Variants in HNF4A observed in about 807,000 individuals in gnomAD.
HNF4A encodes hepatocyte nuclear factor 4 alpha.
In HNF4A, 15 loss-of-function variants were observed where a neutral mutation model predicts 52.4. The ratio of observed to expected loss-of-function variants is 0.29; its 90% CI spans 0.19 to 0.44. The LOEUF (loss-of-function observed/expected upper bound fraction) is 0.44, where lower values mean the gene tolerates loss of function less well. Ranked by LOEUF, HNF4A falls within the 20% of genes least tolerant of loss-of-function variation. The pLI is 1.00. For synonymous variants in HNF4A, 280 were observed against 264.4 expected (o/e 1.06, Z -0.57); for missense variants, 479 against 647.2 (o/e 0.74, Z 2.82).
At position 44,388,244 on chromosome 20, in the gene HNF4A, G is replaced by A. The variant is rs187745160; in HGVS notation, c.50-17814G>A. 2.2e-3 allele frequency among the ~76,000 whole-genome samples: 332 copies of A among 151,720 alleles called. 4 individuals carry two copies. Among genetic ancestry groups the A allele is most frequent in the Non-Finnish European group, 2.7e-3 (183 of 67,944 alleles). On this transcript the variant is annotated intron_variant, in intron 1 of 9. Coordinates refer to the HNF4A transcript ENST00000316673. Reference sequence around the variant, plus strand: ...TGGAGTTACAGGCATGCACCATCACGCCCTGCCTATCTTAATTTTCATAAT... The same window carrying A: ...TGGAGTTACAGGCATGCACCATCACACCCTGCCTATCTTAATTTTCATAAT...
At position 44,429,771 on chromosome 20, in the gene HNF4A, C is replaced by G; in HGVS notation, c.*106C>G. 1 of 1,197,626 alleles carries G rather than the reference C, an allele frequency of 8.3e-7. No homozygotes were observed. The highest frequency in any genetic ancestry group is 1.2e-6 in the Non-Finnish European group (1 of 819,628). The allele number at this position is 1,197,626 out of a possible 1,614,324, so 74.2% of individuals were successfully genotyped here. On this transcript the variant is annotated 3_prime_UTR_variant, in exon 10 of 10. Transcript: ENST00000316099. ...AGGAAGACGTGATGCCAGGACCAGT[C>G]CCAGAGCAGGAATGGGAAGGATGAA...
At chr20:44,406,322 A>G (rs2063500047) in intron 2 of HNF4A, 90 bp downstream of exon 2, 8 of 1,186,150 alleles carry the variant, frequency 6.7e-6, no homozygotes, top group South Asian at 1.3e-5. Context: ...GGTAGGTCCC[A>G]GAGACAGCTG....
chr20:44,393,398 G>T (rs1160695998), intron 1 of HNF4A, among the ~76,000 whole-genome samples: 6 of 152,268 alleles, frequency 3.9e-5, no homozygotes, highest in Non-Finnish European at 8.8e-5. Flanking sequence ...TACCTCCGGA[G>T]CCTTACAGTC....
chr20:44,356,058 G>C (rs2062854293), intron 1 of HNF4A, among the ~76,000 whole-genome samples: 1 of 150,598 alleles, frequency 6.6e-6, no homozygotes, highest in African/African-American at 2.4e-5. Flanking sequence ...GAAGTGCTGG[G>C]AGGGGCCGAG....
intron 1 of HNF4A, chr20:44,401,512 G>A (rs1393101353): frequency 6.2e-7 from 1 of 1,613,772 alleles, no homozygotes; most frequent in Non-Finnish European, 8.5e-7. Flanking sequence ...ATGTGCCCAG[G>A]TGTGCCAGTG....
At chr20:44,394,194 A>G (rs994055703) in intron 1 of HNF4A, among the ~76,000 whole-genome samples, 1 of 152,154 alleles carries the variant, frequency 6.6e-6, no homozygotes, top group Non-Finnish European at 1.5e-5. Flanking sequence ...AGGCGTTTGC[A>G]GAGCCGTCTT....
intron 1 of HNF4A, among the ~76,000 whole-genome samples, chr20:44,366,203 G>A (rs1381066021): frequency 6.6e-6 from 1 of 152,144 alleles, no homozygotes; most frequent in Non-Finnish European, 1.5e-5. Context: ...AGTAAGATAT[G>A]TATGTTTTTG....
At chr20:44,389,129 G>T (rs912058123) in intron 1 of HNF4A, among the ~76,000 whole-genome samples, 1 of 152,216 alleles carries the variant, frequency 6.6e-6, no homozygotes, top group Non-Finnish European at 1.5e-5. Context: ...TTTGCAAAGT[G>T]GCATCTCATT....
chr20:44,363,205 GATA>G (rs993305345), intron 1 of HNF4A, among the ~76,000 whole-genome samples: 4 of 152,110 alleles, frequency 2.6e-5, no homozygotes, highest in African/African-American at 9.7e-5. Flanking sequence ...TGGGGTTGAT[GATA>G]ATACCATTTA....
chr20:44,386,057 A>C (rs1348687304), intron 1 of HNF4A, among the ~76,000 whole-genome samples: 1 of 148,820 alleles, frequency 6.7e-6, no homozygotes, highest in Non-Finnish European at 1.5e-5. Flanking sequence ...GGGTTTCACC[A>C]TGTTGGCCAG....
chr20:44,378,890 G>A (rs1422160595), intron 1 of HNF4A, among the ~76,000 whole-genome samples: 1 of 146,770 alleles, frequency 6.8e-6, no homozygotes, highest in African/African-American at 2.5e-5. Flanking sequence ...CTGCACTCCA[G>A]CCTGGGCCAC....
chr20:44,377,779 A>C (rs1253774054), intron 1 of HNF4A: 1 of 152,158 alleles, frequency 6.6e-6, no homozygotes, highest in Non-Finnish European at 1.5e-5. Context: ...TGTTTTGTTT[A>C]TTTGTTTGTT....
chr20:44,399,238 T>C (rs2063380786), upstream of HNF4A, among the ~76,000 whole-genome samples: 1 of 152,200 alleles, frequency 6.6e-6, no homozygotes, highest in Admixed American at 6.5e-5. Context: ...GGGCTGCCTC[T>C]TGCTCCCTCC....
intron 1 of HNF4A, among the ~76,000 whole-genome samples, chr20:44,369,249 CAAAAAA>C (rs751374772): frequency 0.025 from 608 of 24,794 alleles, 10 homozygotes; most frequent in African/African-American, 0.11. Flanking sequence ...AACTCCATCT[CAAAAAA>C]AAAAAAAAAA....
At chr20:44,405,975 C>T in intron 1 of HNF4A, 83 bp from the exon 2 acceptor site, 2 of 1,349,814 alleles carry the variant, frequency 1.5e-6, no homozygotes, top group South Asian at 2.3e-5. Flanking sequence ...AGGCCGAAGC[C>T]CTGGAGAGAT....
intron 1 of HNF4A, among the ~76,000 whole-genome samples, chr20:44,375,330 C>T (rs2063073714): frequency 6.6e-6 from 1 of 152,044 alleles, no homozygotes; most frequent in African/African-American, 2.4e-5. Context: ...TCAGAGTTCG[C>T]AAATATTTTC....
rs1291504952 is a variant in HNF4A, at chr20:44,358,626, AAAC to A, written c.49+2776_49+2778del. On this transcript the variant is annotated intron_variant, in intron 1 of 9. Transcript: ENST00000316673. ...ACTCTATCTCAAAAAAAACAAAACA[AAAC>A]AAAAAAACAAAAAACAAACAAAAAA... is the stretch of plus-strand genomic sequence containing the variant. Among the ~76,000 whole-genome samples the A allele has an allele frequency of 4.5e-3, 639 of 141,306 alleles. 5 individuals carry two copies. The highest frequency in any genetic ancestry group is 0.015 in the African/African-American group (596 of 40,668). 92.7% of individuals were successfully genotyped at this position (141,306 alleles called of 152,430 possible).
At chr20:44,424,594 T>C (rs1568742051) in intron 8 of HNF4A, 3 of 1,401,766 alleles carry the variant, frequency 2.1e-6, no homozygotes, top group Non-Finnish European at 2.8e-6. Flanking sequence ...TGCATGTGTA[T>C]ATAAAGCCTC....
At chr20:44,355,953 C>T in intron 1 of HNF4A, 100 bp downstream of exon 1, 1 of 1,003,132 alleles carries the variant, frequency 1.0e-6, no homozygotes, top group Non-Finnish European at 1.5e-6. Context: ...CCCAAAGCTC[C>T]TCCTGGAGCT....
Sources: gnomAD v4.1 joint callset for allele counts (sites outside exome capture counted in the v4.1 genomes callset) on GRCh38, gnomAD v4.1.1 for gene constraint, MANE v1.5 for transcripts, NCBI Gene and HGNC (gene_info 2026-07-23, HGNC 2026-07-21) for gene names.